Variants in RECQL5 observed in about 807,000 individuals in gnomAD.
RECQL5 encodes the protein ATP-dependent DNA helicase Q5.
In RECQL5, 88 loss-of-function variants were observed where a neutral mutation model predicts 103.4. The observed-to-expected ratio is 0.85, with a 90% confidence interval of 0.72 to 1.02. The LOEUF (loss-of-function observed/expected upper bound fraction) is 1.02, where lower values mean the gene tolerates loss of function less well. Among genes scored for constraint, RECQL5 ranks in the 50% least tolerant of loss-of-function variants. RECQL5 has a pLI of 0.00. For synonymous variants in RECQL5, 552 were observed against 507.9 expected (o/e 1.09, Z -1.17); for missense variants, 1,232 against 1,284.3 (o/e 0.96, Z 0.62).
intron 8 of RECQL5, chr17:75,650,704 C>A: frequency 6.2e-7 from 1 of 1,613,804 alleles, no homozygotes. Flanking sequence ...CTTTCCGTGG[C>A]CCCTGCCCCA....
At chr17:75,651,301 A>T in intron 7 of RECQL5, 36 bp from the exon 8 acceptor site, 1 of 1,613,128 alleles carries the variant, frequency 6.2e-7, no homozygotes, top group Non-Finnish European at 8.5e-7. Context: ...CAAGTCTTAT[A>T]GAATTGGACT....
rs749530319 is a variant in RECQL5 at position 75,631,012 on chromosome 17, T to G, written c.1549-2A>C. On this transcript the variant is annotated splice_acceptor_variant, in intron 10 of 19. Transcript: ENST00000317905. LOFTEE classifies it high-confidence loss of function. ...TTCTTCTATCTTGGGGTCTTTGCCC[T>G]GGAGGACAACATGAAGGACCCATGA... 1.2e-6 allele frequency: 2 copies of G among 1,613,808 alleles called. No homozygotes were observed. Among genetic ancestry groups the G allele is most frequent in the Admixed American group, 3.3e-5 (2 of 60,004 alleles).
rs2059717902 is a variant in RECQL5, at chr17:75,662,869, G to A, written c.381C>T (p.Tyr127=). 1 of 1,614,174 alleles carries A rather than the reference G, an allele frequency of 6.2e-7. No homozygotes were observed. Residue 127 remains tyrosine (Y), a synonymous_variant, in exon 4 of 20, where the codon TAC becomes TAT. Transcript: ENST00000317905. ...ATGAAGCTGCCATCTCTGGGGTGATGTACAGAATCTTGGTCTGGGGCTTTT... is the reference window on the plus strand; with the variant it reads ...ATGAAGCTGCCATCTCTGGGGTGATATACAGAATCTTGGTCTGGGGCTTTT... ...EREKPQTKIL[Y]ITPEMAASSS...
intron 8 of RECQL5, chr17:75,633,745 A>G (rs1192994634): frequency 9.4e-7 from 1 of 1,064,636 alleles, no homozygotes; most frequent in Non-Finnish European, 1.1e-6. Context: ...AGAGCGCTGC[A>G]GGACTCCCCT....
intron 10 of RECQL5, 40 bp downstream of exon 10, chr17:75,631,110 A>G (rs779251315): frequency 2.5e-6 from 4 of 1,605,216 alleles, no homozygotes; most frequent in Non-Finnish European, 3.4e-6. Flanking sequence ...GCAGGGGGCC[A>G]CCAGGGGCCC....
intron 8 of RECQL5, chr17:75,650,598 C>A: frequency 6.3e-7 from 1 of 1,595,102 alleles, no homozygotes; most frequent in Non-Finnish European, 8.5e-7. Context: ...CTTTTTAGAC[C>A]AAAATGTAAA....
At position 75,662,592 on chromosome 17, in the gene RECQL5, AG is replaced by A. The variant is rs757970128; in HGVS notation, c.657del (p.Cys220AlafsTer15). 58 of 1,614,054 alleles carry A rather than the reference AG, an allele frequency of 3.6e-5. 1 individual carries two copies. Among genetic ancestry groups the A allele is most frequent in the South Asian group, 3.0e-4 (27 of 91,090 alleles). Reference protein sequence around the residue: ...LKKPVAIFKTPCFRANLFYDV... With the variant: ...LKKPVAIFKTXCFRANLFYDV... ...TCATAGAAGAGGTTGGCCCGGAAGC[AG>A]GGAGTCTTGAAGATGGCAACTGGTT... is the stretch of plus-strand genomic sequence containing the variant. On this transcript the variant is annotated frameshift_variant, in exon 4 of 20. Coordinates refer to ENST00000317905, the MANE Select transcript of RECQL5 (RefSeq NM_004259.7). LOFTEE classifies it high-confidence loss of function.
rs2059157928 is a variant in RECQL5, at chr17:75,629,070, C to T, written c.2353G>A (p.Glu785Lys). 5 of 1,611,584 alleles carry T rather than the reference C, an allele frequency of 3.1e-6. No homozygotes were observed. Among genetic ancestry groups the T allele is most frequent in the East Asian group, 2.2e-5 (1 of 44,856 alleles). ...CCCTCACAGGAGGGGCAGGCACCTT[C>T]TGCCTCTGGGGCTGATGCCAGCAGA... ...PALLASAPEA[E>K]GACPSCEGVQ... Residue 785 changes from glutamate (E) to lysine (K), a missense_variant, in exon 16 of 20, where the codon GAA becomes AAA. By Grantham distance (56) the Glu-to-Lys change is moderately conservative. Coordinates refer to ENST00000317905, the MANE Select transcript of RECQL5 (RefSeq NM_004259.7).
At position 75,651,232 on chromosome 17, in the gene RECQL5, T is replaced by C. The variant is rs756459645; in HGVS notation, c.1183A>G (p.Thr395Ala). 3 of 1,614,130 alleles carry C rather than the reference T, an allele frequency of 1.9e-6. No homozygotes were observed. The highest frequency in any genetic ancestry group is 2.7e-5 in the African/African-American group (2 of 74,942). Reference sequence around the variant, plus strand: ...ACCAGGGCATCAAAGGCCATGATAGTGGCTTTATCAGATGCTTTGTTTCCT... The same window carrying C: ...ACCAGGGCATCAAAGGCCATGATAGCGGCTTTATCAGATGCTTTGTTTCCT... Reference protein sequence around the residue: ...KRGNKASDKATIMAFDALVTF... With the variant: ...KRGNKASDKAAIMAFDALVTF... Residue 395 changes from threonine to alanine, a missense_variant, in exon 8 of 20, where the codon ACT becomes GCT. Thr to Ala is a moderately conservative substitution (Grantham distance 58, BLOSUM62 0). Coordinates refer to ENST00000317905, the MANE Select transcript of RECQL5 (RefSeq NM_004259.7).
intron 14 of RECQL5, 51 bp from the exon 15 acceptor site, chr17:75,629,893 A>G (rs73995941): frequency 2.6e-6 from 4 of 1,556,368 alleles, no homozygotes; most frequent in Middle Eastern, 2.3e-4. Flanking sequence ...TCCTCCTGAC[A>G]TGCCCCACCT....
intron 3 of RECQL5, 148 bp from the exon 4 acceptor site, chr17:75,663,145 T>C: frequency 2.5e-6 from 2 of 787,922 alleles, no homozygotes; most frequent in Middle Eastern, 3.3e-4. Flanking sequence ...AGGTTGAATA[T>C]CCTTTATCAA....
At chr17:75,646,379 G>C (rs535119593) in intron 8 of RECQL5, 1 of 152,540 alleles carries the variant, frequency 6.6e-6, no homozygotes, top group South Asian at 2.1e-4. Flanking sequence ...CAGGTGAGGC[G>C]GCCTGATGGC....
Position 75,627,535 on chromosome 17 carries a change from G to T in RECQL5, c.2876-13C>A. On this transcript the variant is annotated splice_polypyrimidine_tract_variant and intron_variant, in intron 19 of 19. Coordinates refer to ENST00000317905, the MANE Select transcript of RECQL5 (RefSeq NM_004259.7). ...GCCTCTTCTTTCACTACAGATTCAG[G>T]GTGGGGGCATGAGGAGGTGAGCGTT... 1.2e-6 allele frequency: 2 copies of T among 1,613,528 alleles called. No individual in the cohort carries two copies. The highest frequency in any genetic ancestry group is 2.2e-5 in the South Asian group (2 of 91,070).
intron 8 of RECQL5, chr17:75,647,739 T>A: frequency 1.6e-6 from 1 of 644,706 alleles, no homozygotes; most frequent in Non-Finnish European, 2.7e-6. Context: ...TTGGTCAGAC[T>A]AGTAAGATGG....
At chr17:75,651,541 T>C (rs917932866) in intron 7 of RECQL5, among the ~76,000 whole-genome samples, 3 of 152,076 alleles carry the variant, frequency 2.0e-5, no homozygotes, top group African/African-American at 4.8e-5. Flanking sequence ...GAAGAATCAC[T>C]TGAACCCAGG....
chr17:75,639,207 A>G (rs1305407895), intron 8 of RECQL5: 1 of 152,322 alleles, frequency 6.6e-6, no homozygotes, highest in African/African-American at 2.4e-5. Context: ...GACCTGGGAC[A>G]AGGCAACGAT....
chr17:75,639,482 C>G (rs2059391655), intron 8 of RECQL5: 1 of 152,306 alleles, frequency 6.6e-6, no homozygotes, highest in Admixed American at 6.5e-5. Flanking sequence ...GAGGACTTTC[C>G]TGGTCAGGCT....
intron 8 of RECQL5, chr17:75,639,981 C>T: frequency 1.7e-6 from 1 of 588,844 alleles, no homozygotes; most frequent in Admixed American, 3.6e-5. Flanking sequence ...CTTCCTCCAC[C>T]CTGAGCTGTG....
At chr17:75,642,939 G>A (rs574770940) in intron 8 of RECQL5, among the ~76,000 whole-genome samples, 2 of 152,310 alleles carry the variant, frequency 1.3e-5, no homozygotes, top group South Asian at 2.1e-4. Flanking sequence ...TGGCCTCCTG[G>A]TTGCAGTACA....
Sources: allele counts gnomAD v4.1 joint callset (sites outside exome capture counted in the v4.1 genomes callset), GRCh38; gene constraint gnomAD v4.1.1; transcripts MANE v1.5; gene names NCBI Gene and HGNC (gene_info 2026-07-23, HGNC 2026-07-21).